DYNLRB1: variants seen among roughly 807,000 people sequenced by gnomAD.
DYNLRB1 encodes the protein dynein light chain roadblock-type 1.
Under a neutral mutation model 13.5 loss-of-function variants are expected in DYNLRB1, and 6 were observed. The ratio of observed to expected loss-of-function variants is 0.44; its 90% CI spans 0.24 to 0.88. The LOEUF is 0.88. Ranked by LOEUF, DYNLRB1 falls within the 40% of genes least tolerant of loss-of-function variation. DYNLRB1 has a pLI of 0.21. For synonymous variants in DYNLRB1, 43 were observed against 45.0 expected (o/e 0.96, Z 0.18); for missense variants, 93 against 127.2 (o/e 0.73, Z 1.29).
intron 3 of DYNLRB1, chr20:34,535,267 T>C: frequency 1.0e-6 from 1 of 985,384 alleles, no homozygotes; most frequent in Non-Finnish European, 1.2e-6. Flanking sequence ...AAAAGTACTG[T>C]ATCATTTTAT....
At chr20:34,516,413 G>T, upstream of DYNLRB1, 1 of 1,610,566 alleles carries the variant, frequency 6.2e-7, no homozygotes, top group Non-Finnish European at 8.5e-7. Context: ...GAAAGGCACA[G>T]GACTCGCTAA....
At chr20:34,522,218 G>A (rs1019316811) in intron 1 of DYNLRB1, among the ~76,000 whole-genome samples, 1 of 152,014 alleles carries the variant, frequency 6.6e-6, no homozygotes, top group African/African-American at 2.4e-5. Context: ...AGTATATTCA[G>A]CTCTTCTGTT....
At chr20:34,534,818 A>G (rs1260522229) in intron 3 of DYNLRB1, 23 bp downstream of exon 3, 9 of 1,613,860 alleles carry the variant, frequency 5.6e-6, no homozygotes, top group South Asian at 2.2e-5. Flanking sequence ...CTACCTCCCC[A>G]TGTAGGAACA....
intron 2 of DYNLRB1, chr20:34,529,729 CAAAA>C (rs111373342): frequency 1.2e-4 from 96 of 801,826 alleles, no homozygotes; most frequent in South Asian, 2.3e-4. Flanking sequence ...AACTCGGTCT[CAAAA>C]AAAAAAAAAA....
intron 2 of DYNLRB1, 164 bp downstream of exon 2, chr20:34,526,507 T>C (rs952780931): frequency 4.7e-6 from 3 of 633,998 alleles, no homozygotes; most frequent in African/African-American, 1.9e-5. Flanking sequence ...TTTTTTTTTT[T>C]CATTAAGGCT....
intron 2 of DYNLRB1, among the ~76,000 whole-genome samples, chr20:34,533,775 C>T (rs1270537250): frequency 6.6e-6 from 1 of 151,320 alleles, no homozygotes; most frequent in African/African-American, 2.4e-5. Flanking sequence ...GCCGAGGTTG[C>T]ACCATTGCAC....
At chr20:34,535,874 G>A (rs2146650518) in intron 3 of DYNLRB1, 1 of 985,374 alleles carries the variant, frequency 1.0e-6, no homozygotes, top group Non-Finnish European at 1.2e-6. Flanking sequence ...AAGGAAGGCA[G>A]TGGGGGGTCT....
chr20:34,524,122 T>C (rs1209696270), intron 1 of DYNLRB1, among the ~76,000 whole-genome samples: 1 of 152,218 alleles, frequency 6.6e-6, no homozygotes, highest in African/African-American at 2.4e-5. Flanking sequence ...TAAAATGTTT[T>C]TAAATAGAAA....
At chr20:34,522,371 G>A (rs1376264723) in intron 1 of DYNLRB1, among the ~76,000 whole-genome samples, 5 of 151,914 alleles carry the variant, frequency 3.3e-5, no homozygotes, top group Admixed American at 6.6e-5. Flanking sequence ...CATAGTAGGC[G>A]CTGAGTAGGG....
In DYNLRB1 at chr20:34,540,909, G is replaced by T. The variant is rs758294443; in HGVS notation, c.*285G>T. The T allele has an allele frequency of 2.5e-6, 1 of 403,960 alleles. No individual in the cohort carries two copies. Among genetic ancestry groups the T allele is most frequent in the East Asian group, 4.0e-5 (1 of 25,252 alleles). 25.0% of individuals were successfully genotyped at this position (403,960 alleles called of 1,614,324 possible). A position where few individuals can be genotyped will look rare whatever the true frequency, so the allele number is the denominator to read the frequency against. On this transcript the variant is annotated 3_prime_UTR_variant, in exon 4 of 4. Coordinates refer to ENST00000357156, the MANE Select transcript of DYNLRB1 (RefSeq NM_014183.4). ...CTTCTGACCTTCAGTTCACTTTGTC[G>T]CCCTTGGAGAAAGCTGTTTTTCTTT...
Position 34,540,810 on chromosome 20 carries a change from C to T in DYNLRB1, c.*186C>T. Reference sequence around the variant, plus strand: ...AACCCCTGTGTGCACCAACCTTCCCCAGAGCTCCGGAGCGCCCTCTCCTCA... The same window carrying T: ...AACCCCTGTGTGCACCAACCTTCCCTAGAGCTCCGGAGCGCCCTCTCCTCA... On this transcript the variant is annotated 3_prime_UTR_variant, in exon 4 of 4. Coordinates refer to ENST00000357156, the MANE Select transcript of DYNLRB1 (RefSeq NM_014183.4). The T allele has an allele frequency of 1.8e-6, 1 of 565,988 alleles. No individual in the cohort carries two copies. The highest frequency in any genetic ancestry group is 3.0e-6 in the Non-Finnish European group (1 of 329,174). The allele number at this position is 565,988 out of a possible 1,614,324, so 35.1% of individuals were successfully genotyped here. A position where few individuals can be genotyped will look rare whatever the true frequency, so the allele number is the denominator to read the frequency against.
At chr20:34,521,206 T>A (rs1317470461) in intron 1 of DYNLRB1, among the ~76,000 whole-genome samples, 1 of 152,100 alleles carries the variant, frequency 6.6e-6, no homozygotes, top group African/African-American at 2.4e-5. Context: ...GAGACAGGGT[T>A]TCCCCATGTT....
chr20:34,540,340 G>A (rs982151972), intron 3 of DYNLRB1, among the ~76,000 whole-genome samples: 3 of 152,210 alleles, frequency 2.0e-5, no homozygotes, highest in African/African-American at 7.2e-5. Context: ...TAGAAGAGAC[G>A]ACACACTGTA....
intron 3 of DYNLRB1, chr20:34,535,245 A>G (rs779098137): frequency 4.8e-5 from 47 of 985,322 alleles, no homozygotes; most frequent in Non-Finnish European, 5.7e-5. Flanking sequence ...ATTCTTCTCC[A>G]AAATGTAAAG....
chr20:34,522,471 T>C, intron 1 of DYNLRB1, among the ~76,000 whole-genome samples: 1 of 126,154 alleles, frequency 7.9e-6, no homozygotes, highest in East Asian at 2.1e-4. Flanking sequence ...TTCTTTTTCT[T>C]TTTTTTTTTT....
intron 1 of DYNLRB1, among the ~76,000 whole-genome samples, chr20:34,525,231 C>T (rs963327818): frequency 8.6e-5 from 13 of 151,846 alleles, no homozygotes; most frequent in African/African-American, 2.7e-4. Flanking sequence ...TAACAACTCT[C>T]AGCCTTTGAG....
intron 2 of DYNLRB1, chr20:34,530,418 C>A: frequency 2.3e-6 from 1 of 431,880 alleles, no homozygotes; most frequent in Non-Finnish European, 3.1e-6. Flanking sequence ...CATAATTCTG[C>A]CTTCCTCTAG....
intron 3 of DYNLRB1, among the ~76,000 whole-genome samples, chr20:34,536,715 A>G (rs976497304): frequency 6.7e-6 from 1 of 150,008 alleles, no homozygotes; most frequent in African/African-American, 2.5e-5. Flanking sequence ...ACTGCACTCC[A>G]GCCTGGGAAA....
At chr20:34,526,225 C>T (rs1347954094) in intron 1 of DYNLRB1, 43 bp from the exon 2 acceptor site, 1 of 1,607,528 alleles carries the variant, frequency 6.2e-7, no homozygotes, top group Non-Finnish European at 8.5e-7. Flanking sequence ...GAAGTTAATC[C>T]TGCCTATCGG....
Sources: allele counts gnomAD v4.1 joint callset (sites outside exome capture counted in the v4.1 genomes callset), GRCh38; gene constraint gnomAD v4.1.1; transcripts MANE v1.5; gene names NCBI Gene and HGNC (gene_info 2026-07-23, HGNC 2026-07-21).